Variants in CCNYL1 observed in about 807,000 individuals in gnomAD.
CCNYL1 encodes the protein cyclin Y like 1.
In CCNYL1, 16 loss-of-function variants were observed where a neutral mutation model predicts 44.2. The observed-to-expected ratio is 0.36, with a 90% CI of 0.25 to 0.55. The LOEUF is 0.55. CCNYL1 is among the 20% of genes least tolerant of loss of function. The pLI is 0.85. For synonymous variants in CCNYL1, 159 were observed against 163.2 expected (o/e 0.97, Z 0.20); for missense variants, 348 against 451.8 (o/e 0.77, Z 2.08).
intron 8 of CCNYL1, among the ~76,000 whole-genome samples, chr2:207,749,211 A>G (rs1165546897): frequency 6.6e-6 from 1 of 152,224 alleles, no homozygotes; most frequent in Non-Finnish European, 1.5e-5. Flanking sequence ...GCTATGCTAC[A>G]AACAGGCTGC....
In CCNYL1 at chr2:207,747,009, AC is replaced by A. The variant is rs766939248; in HGVS notation, c.640-37del. On this transcript the variant is annotated intron_variant, in intron 7 of 9. Coordinates refer to ENST00000295414, the MANE Select transcript of CCNYL1 (RefSeq NM_001330218.2). ...AAAAAAAGCTTATCAAAGCATTTAA[AC>A]TGAACTAAAATCAAAGACCAGTGCT... 1.1e-5 allele frequency: 17 copies of A among 1,559,716 alleles called. No individual in the cohort carries two copies. In the South Asian group the frequency reaches 2.0e-4, roughly 18 times the overall value.
chr2:207,715,740 G>T lies in CCNYL1; in HGVS notation c.220+3624G>T, dbSNP rs189113456. Among the ~76,000 whole-genome samples, 138 of 146,614 alleles carry T rather than the reference G, an allele frequency of 9.4e-4. No homozygotes were observed. In the South Asian group the frequency reaches 0.014, roughly 14 times the overall value. On this transcript the variant is annotated intron_variant, in intron 1 of 9. Transcript: ENST00000295414. ...TGCTCAGGCTGGAGTGGAATGGCGC[G>T]ATCTCGGCTCACTGTAACCTCTGCG...
intron 5 of CCNYL1, among the ~76,000 whole-genome samples, chr2:207,740,310 A>C (rs2091798153): frequency 6.6e-6 from 1 of 152,238 alleles, no homozygotes; most frequent in South Asian, 2.1e-4. Flanking sequence ...TTTATTGCCC[A>C]CCACTACTGC....
At chr2:207,740,302 T>G (rs1207348435) in intron 5 of CCNYL1, among the ~76,000 whole-genome samples, 2 of 152,244 alleles carry the variant, frequency 1.3e-5, no homozygotes, top group Non-Finnish European at 2.9e-5. Context: ...CTAAAGAGTT[T>G]ATTGCCCACC....
chr2:207,734,894 GCACAAA>G lies in CCNYL1; in HGVS notation c.431+849_431+854del, dbSNP rs2091753524. The stretch of plus-strand genomic sequence containing the variant: ...ATAGTTGAAATCAAATTGTGTTTCA[GCACAAA>G]CTGGACTCTGACTCTGTCTAAAGTC... On this transcript the variant is annotated intron_variant, in intron 4 of 9. Coordinates refer to ENST00000295414, the MANE Select transcript of CCNYL1 (RefSeq NM_001330218.2). 2.0e-5 allele frequency among the ~76,000 whole-genome samples: 3 copies of G among 152,126 alleles called. No homozygotes were observed. The South Asian group carries it at 6.2e-4, about 32-fold the overall frequency.
At chr2:207,729,519 T>C (rs1026018273) in intron 3 of CCNYL1, among the ~76,000 whole-genome samples, 1 of 152,148 alleles carries the variant, frequency 6.6e-6, no homozygotes, top group Middle Eastern at 3.2e-3. Context: ...CTTTCTCTAA[T>C]TGGAAGCAGG....
chr2:207,734,970 A>C (rs1321329863), intron 4 of CCNYL1, among the ~76,000 whole-genome samples: 2 of 152,220 alleles, frequency 1.3e-5, no homozygotes, highest in Non-Finnish European at 2.9e-5. Flanking sequence ...GTTTGTATTC[A>C]GCCAAGGTCC....
At chr2:207,733,685 A>G (rs901066655) in intron 3 of CCNYL1, among the ~76,000 whole-genome samples, 6 of 152,224 alleles carry the variant, frequency 3.9e-5, no homozygotes, top group Admixed American at 3.9e-4. Flanking sequence ...TAATTTATAC[A>G]GGGAATGCAT....
At chr2:207,749,331 A>G (rs1224041850) in intron 8 of CCNYL1, among the ~76,000 whole-genome samples, 1 of 152,168 alleles carries the variant, frequency 6.6e-6, no homozygotes, top group Non-Finnish European at 1.5e-5. Context: ...CTAAATTGAA[A>G]CAATTTTAAA....
intron 7 of CCNYL1, among the ~76,000 whole-genome samples, chr2:207,744,357 T>TTTTTG (rs938405234): frequency 1.3e-4 from 20 of 151,636 alleles, no homozygotes; most frequent in Non-Finnish European, 2.1e-4. Flanking sequence ...AGGAAGGTTT[T>TTTTTG]TTTTGTTTTG....
At chr2:207,739,406 T>C (rs2091790765) in intron 5 of CCNYL1, among the ~76,000 whole-genome samples, 1 of 151,982 alleles carries the variant, frequency 6.6e-6, no homozygotes, top group Non-Finnish European at 1.5e-5. Flanking sequence ...CTAATTTTTG[T>C]ATTAGTAGAG....
chr2:207,718,328 G>A (rs113963526), intron 1 of CCNYL1, among the ~76,000 whole-genome samples: 8 of 152,004 alleles, frequency 5.3e-5, no homozygotes, highest in Non-Finnish European at 1.2e-4. Flanking sequence ...CCTGGACAAC[G>A]TGCTGAGACC....
intron 4 of CCNYL1, 135 bp downstream of exon 4, chr2:207,734,182 A>G (rs113979898): frequency 1.8e-5 from 10 of 552,606 alleles, no homozygotes; most frequent in Admixed American, 6.5e-5. Flanking sequence ...TCAACTATAT[A>G]TTGATTTCAA....
At chr2:207,740,268 A>AT (rs541492058) in intron 5 of CCNYL1, among the ~76,000 whole-genome samples, 312 of 152,340 alleles carry the variant, frequency 2.0e-3, no homozygotes, top group African/African-American at 6.5e-3. Flanking sequence ...GGAAATCTGA[A>AT]TTTCATTCAC....
intron 5 of CCNYL1, among the ~76,000 whole-genome samples, chr2:207,738,616 T>A (rs1194811102): frequency 6.6e-6 from 1 of 152,228 alleles, no homozygotes; most frequent in East Asian, 1.9e-4. Flanking sequence ...TTATTAGTAC[T>A]CACCCATCTG....
chr2:207,711,997 A>G lies in CCNYL1; in HGVS notation c.101A>G (p.Glu34Gly). ...AELYCASDIY[E>G]AVSGDAVAVA... is the part of the protein sequence containing the mutation. ...CTGTACTGCGCGTCCGACATCTACG[A>G]GGCGGTGTCCGGGGACGCGGTGGCG... is the stretch of plus-strand genomic sequence containing the variant. Residue 34 changes from glutamate (E) to glycine (G), a missense_variant, in exon 1 of 10, where the codon GAG becomes GGG. Coordinates refer to ENST00000295414, the MANE Select transcript of CCNYL1 (RefSeq NM_001330218.2). 1 of 1,468,030 alleles carries G rather than the reference A, an allele frequency of 6.8e-7. No homozygotes were observed. The highest frequency in any genetic ancestry group is 9.0e-7 in the Non-Finnish European group (1 of 1,108,712). The allele number at this position is 1,468,030 out of a possible 1,614,324, so 90.9% of individuals were successfully genotyped here. A position where few individuals can be genotyped will look rare whatever the true frequency, so the allele number is the denominator to read the frequency against.
chr2:207,731,643 G>C (rs1406431846), intron 3 of CCNYL1, among the ~76,000 whole-genome samples: 1 of 151,990 alleles, frequency 6.6e-6, no homozygotes, highest in African/African-American at 2.4e-5. Context: ...CAACATGATG[G>C]GGGAATTACC....
intron 4 of CCNYL1, among the ~76,000 whole-genome samples, chr2:207,735,916 G>GCCCCAAGTCATA (rs2091761610): frequency 6.6e-6 from 1 of 151,894 alleles, no homozygotes; most frequent in South Asian, 2.1e-4. Flanking sequence ...CACTCCTCAT[G>GCCCCAAGTCATA]CCCCAAGTCA....
chr2:207,751,101 A>G lies in CCNYL1; in HGVS notation c.951A>G (p.Glu317=), dbSNP rs1296968263. Residue 317 remains glutamate (E), a synonymous_variant, in exon 9 of 10, where the codon GAA becomes GAG. Transcript: ENST00000295414. ...TTCTATTTGCTCCTCTTAGCAAAGA[A>G]AGAGCACAGAACCTAGAGGTAAGGC... The part of the protein sequence containing the change: ...LNFLFAPLSK[E]RAQNLEAISR... The G allele has an allele frequency of 1.2e-6, 2 of 1,614,054 alleles. No individual in the cohort carries two copies. The highest frequency in any genetic ancestry group is 1.7e-6 in the Non-Finnish European group (2 of 1,180,022).
Sources: gnomAD v4.1 joint callset for allele counts (sites outside exome capture counted in the v4.1 genomes callset) on GRCh38, gnomAD v4.1.1 for gene constraint, MANE v1.5 for transcripts, NCBI Gene and HGNC (gene_info 2026-07-23, HGNC 2026-07-21) for gene names.